SIGLEC1: variants seen among roughly 807,000 people sequenced by gnomAD.
SIGLEC1 encodes the protein sialic acid binding Ig like lectin 1, also known as sialoadhesin.
SIGLEC1 carries 132 observed loss-of-function variants against 148.0 expected under a neutral mutation model. That is an observed-to-expected ratio of 0.89 (90% CI 0.77 to 1.03). The LOEUF (loss-of-function observed/expected upper bound fraction) is 1.03. Ranked by LOEUF, SIGLEC1 falls within the 50% of genes least tolerant of loss-of-function variation. SIGLEC1 has a pLI of 0.00. For synonymous variants in SIGLEC1, 945 were observed against 969.0 expected (o/e 0.98, Z 0.46); for missense variants, 2,253 against 2,271.4 (o/e 0.99, Z 0.16).
chr20:3,694,749 G>T lies in SIGLEC1; in HGVS notation c.2858C>A (p.Thr953Lys). The T allele has an allele frequency of 1.9e-6, 3 of 1,613,874 alleles. No individual in the cohort carries two copies. The highest frequency in any genetic ancestry group is 2.5e-6 in the Non-Finnish European group (3 of 1,180,024). The part of the protein sequence containing the change: ...ATLRFAAITL[T>K]QAGAYHCQAQ... ...TTGGCAATGATAGGCCCCAGCTTGT[G>T]TCAAAGTTATGGCTGCAAAGCGGAG... is the stretch of plus-strand genomic sequence containing the variant. Residue 953 changes from threonine (T) to lysine (K), a missense_variant, in exon 12 of 22, where the codon ACA becomes AAA. Physicochemically the swap from Thr to Lys is moderately conservative, Grantham distance 78. Coordinates refer to ENST00000344754, the MANE Select transcript of SIGLEC1 (RefSeq NM_023068.4).
At position 3,694,351 on chromosome 20, in the gene SIGLEC1, A is replaced by T; in HGVS notation, c.3126T>A (p.His1042Gln). The T allele has an allele frequency of 6.2e-7, 1 of 1,613,280 alleles. No homozygotes were observed. Among genetic ancestry groups the T allele is most frequent in the Non-Finnish European group, 8.5e-7 (1 of 1,179,988 alleles). ...GGPEGSSPRL[H>Q]VAVAPNTLRL... The stretch of plus-strand genomic sequence containing the variant: ...GCAGTGTGTTGGGGGCCACAGCCAC[A>T]TGCAGCCTGGGAGAGCTGCCTTCGG... The change falls in exon 13 of 22, where the codon CAT becomes CAA. Residue 1042 changes from histidine to glutamine, a missense_variant. Transcript: ENST00000344754.
rs759568023 is a variant in SIGLEC1 at position 3,703,197 on chromosome 20, G to A, written c.1228C>T (p.His410Tyr). The A allele has an allele frequency of 2.0e-5, 32 of 1,613,810 alleles. No homozygotes were observed. Among genetic ancestry groups the A allele is most frequent in the Non-Finnish European group, 1.8e-5 (21 of 1,179,994 alleles). Residue 410 changes from histidine to tyrosine, a missense_variant and splice_region_variant, in exon 6 of 22, where the codon CAC becomes TAC. Physicochemically the swap from His to Tyr is moderately conservative, Grantham distance 83. Coordinates refer to ENST00000344754, the MANE Select transcript of SIGLEC1 (RefSeq NM_023068.4). ...RSGPVSVVVN[H>Y]PPLTPVLTAF... ...GTGCCACCCCACCCTGGCCTCTTACGGTTGACTACCACGCTGACAGGGCCC... is the reference window on the plus strand; with the variant it reads ...GTGCCACCCCACCCTGGCCTCTTACAGTTGACTACCACGCTGACAGGGCCC...
At chr20:3,701,194 G>T in intron 7 of SIGLEC1, 148 bp downstream of exon 7, 1 of 689,102 alleles carries the variant, frequency 1.5e-6, no homozygotes, top group Non-Finnish European at 2.4e-6. Context: ...TCTGCCGTTG[G>T]GTCACTGCAC....
Position 3,697,882 on chromosome 20 carries a change from A to G in SIGLEC1, c.2038T>C (p.Leu680=). 1 of 1,613,116 alleles carries G rather than the reference A, an allele frequency of 6.2e-7. No individual in the cohort carries two copies. The highest frequency in any genetic ancestry group is 8.5e-7 in the Non-Finnish European group (1 of 1,179,982). Residue 680 remains leucine (L), a synonymous_variant, in exon 9 of 22, where the codon TTG becomes CTG. Transcript: ENST00000344754. ...AGGTACAAGCCCTCCTCTTCCAGCA[A>G]AGGGTTGTGAATCTCCACACGCAGC... The part of the protein sequence containing the change: ...NLLRVEIHNP[L]LEEEGLYLCE...
chr20:3,701,195 G>A (rs2087848150), intron 7 of SIGLEC1, 147 bp downstream of exon 7: 1 of 704,890 alleles, frequency 1.4e-6, no homozygotes, highest in African/African-American at 1.8e-5. Flanking sequence ...CTGCCGTTGG[G>A]TCACTGCACA....
Position 3,705,813 on chromosome 20 carries a change from G to A in SIGLEC1, c.637C>T (p.Arg213Trp), listed in dbSNP as rs770430242. Reference sequence around the variant, plus strand: ...ACGGAGAGCTGGCAGCGCAGGATCCGGCCGTGGTCCTGCCAGGACATGGCC... The same window carrying A: ...ACGGAGAGCTGGCAGCGCAGGATCCAGCCGTGGTCCTGCCAGGACATGGCC... ...HMAMSWQDHG[R>W]ILRCQLSVAN... Residue 213 changes from arginine (R) to tryptophan (W), a missense_variant, in exon 4 of 22, where the codon CGG becomes TGG. Physicochemically the swap from Arg to Trp is moderately radical, Grantham distance 101 (BLOSUM62 -3). Transcript: ENST00000344754. 2.1e-5 allele frequency: 34 copies of A among 1,613,888 alleles called. No homozygotes were observed. Among genetic ancestry groups the A allele is most frequent in the Non-Finnish European group, 2.7e-5 (32 of 1,180,028 alleles).
intron 11 of SIGLEC1, among the ~76,000 whole-genome samples, chr20:3,696,129 T>TATATATATATATACACACACAC (rs11087599): frequency 1.4e-5 from 2 of 142,426 alleles, no homozygotes; most frequent in African/African-American, 5.5e-5. Context: ...ACTATATATA[T>TATATATATATATACACACACAC]ACACACACAC....
chr20:3,697,622 G>A (rs1182501350), intron 9 of SIGLEC1, among the ~76,000 whole-genome samples, 176 bp downstream of exon 9: 3 of 152,078 alleles, frequency 2.0e-5, no homozygotes, highest in African/African-American at 7.2e-5. Context: ...GCCTATCCCC[G>A]GCCTGAACAG....
At chr20:3,704,232 G>A in intron 4 of SIGLEC1, 141 bp from the exon 5 acceptor site, 1 of 790,658 alleles carries the variant, frequency 1.3e-6, no homozygotes, top group South Asian at 1.7e-5. Flanking sequence ...TCCTCACCCA[G>A]GGCATGCTCT....
chr20:3,694,822 G>A lies in SIGLEC1; in HGVS notation c.2785C>T (p.Arg929Cys), dbSNP rs138170063. Residue 929 changes from arginine to cysteine, a missense_variant, in exon 12 of 22, where the codon CGT becomes TGT. By Grantham distance (180) the Arg-to-Cys change is radical. Transcript: ENST00000344754. ...HTGVPEGTSY[R>C]WYRDGQPLQE... is the part of the protein sequence containing the mutation. ...AGGGGCTGGCCATCCCGATACCAAC[G>A]ATATGAGGTCCCCTCTGGGACTCCT... 7.4e-6 allele frequency: 12 copies of A among 1,613,540 alleles called. No individual in the cohort carries two copies. The highest frequency in any genetic ancestry group is 2.2e-5 in the East Asian group (1 of 44,888).
chr20:3,703,221 C>G lies in SIGLEC1; in HGVS notation c.1204G>C (p.Gly402Arg). The change falls in exon 6 of 22, where the codon GGC becomes CGC. Residue 402 changes from glycine to arginine, a missense_variant. By Grantham distance (125) the Gly-to-Arg change is moderately radical. Coordinates refer to ENST00000344754, the MANE Select transcript of SIGLEC1 (RefSeq NM_023068.4). ...VQNVHGSERS[G>R]PVSVVVNHPP... ...CGGTTGACTACCACGCTGACAGGGC[C>G]CGAGCGCTCGCTGCCATGGACGTTC... 3.7e-6 allele frequency: 6 copies of G among 1,614,142 alleles called. No individual in the cohort carries two copies. The highest frequency in any genetic ancestry group is 5.1e-6 in the Non-Finnish European group (6 of 1,180,020).
Position 3,691,418 on chromosome 20 carries a change from G to T in SIGLEC1, c.4513C>A (p.Gln1505Lys). ...TLAFTHVARA[Q>K]AGMYHCLAEL... ...GCCAGGCAGTGGTACATCCCAGCTT[G>T]AGCACGAGCCACGTGGGTGAAGGCG... Residue 1505 changes from glutamine (Q) to lysine (K), a missense_variant, in exon 18 of 22, where the codon CAA (glutamine) becomes AAA (lysine). By Grantham distance (53) the Gln-to-Lys change is moderately conservative (BLOSUM62 1). Transcript: ENST00000344754. The T allele has an allele frequency of 6.2e-7, 1 of 1,613,336 alleles. No individual in the cohort carries two copies. The highest frequency in any genetic ancestry group is 8.5e-7 in the Non-Finnish European group (1 of 1,180,032).
chr20:3,704,111 G>A lies in SIGLEC1; in HGVS notation c.707-20C>T. ...GGGCATCTGCAAGTCACAGTAGGGG[G>A]TATTGGGTAAGGTGCTTGGGGAGGG... On this transcript the variant is annotated intron_variant, in intron 4 of 21. Coordinates refer to ENST00000344754, the MANE Select transcript of SIGLEC1 (RefSeq NM_023068.4). The A allele has an allele frequency of 6.2e-7, 1 of 1,604,740 alleles. No individual in the cohort carries two copies. Among genetic ancestry groups the A allele is most frequent in the Admixed American group, 1.7e-5 (1 of 59,542 alleles).
intron 16 of SIGLEC1, 87 bp from the exon 17 acceptor site, chr20:3,692,289 G>A: frequency 7.3e-7 from 1 of 1,374,374 alleles, no homozygotes. Context: ...GTCAGGCTGA[G>A]GCCTCTGGAC....
Position 3,692,693 on chromosome 20 carries a change from G to A in SIGLEC1, c.3858C>T (p.Ala1286=). Reference sequence around the variant, plus strand: ...ACCAAGTATAGAGTGTGGGTGCGTGGGCAGCAGGGTCCGCACAGGTCACTG... The same window carrying A: ...ACCAAGTATAGAGTGTGGGTGCGTGAGCAGCAGGGTCCGCACAGGTCACTG... The part of the protein sequence containing the change: ...PITVTCADPA[A]HAPTLYTWYH... Residue 1286 remains alanine, a synonymous_variant, in exon 16 of 22, where the codon GCC becomes GCT. Coordinates refer to ENST00000344754, the MANE Select transcript of SIGLEC1 (RefSeq NM_023068.4). The A allele has an allele frequency of 3.1e-6, 5 of 1,613,036 alleles. No individual in the cohort carries two copies. The highest frequency in any genetic ancestry group is 4.2e-6 in the Non-Finnish European group (5 of 1,180,024).
Position 3,699,411 on chromosome 20 carries a change from G to C in SIGLEC1, c.1577C>G (p.Ala526Gly), listed in dbSNP as rs375398004. ...GCCGCTTCTGCAGCTCAGTGTCACT[G>C]CCTGTCCTTCCACCACCTCGGCTGC... ...SPAAEVVEGQ[A>G]VTLSCRSGLS... is the part of the protein sequence containing the mutation. The change falls in exon 8 of 22, where the codon GCA (alanine) becomes GGA (glycine). Residue 526 changes from alanine (A) to glycine (G), a missense_variant. Physicochemically the swap from Ala to Gly is moderately conservative, Grantham distance 60. Transcript: ENST00000344754. 23 of 1,609,922 alleles carry C rather than the reference G, an allele frequency of 1.4e-5. No individual in the cohort carries two copies. The African/African-American group carries it at 2.8e-4, about 20-fold the overall frequency.
chr20:3,701,832 C>T (rs2087854944), intron 6 of SIGLEC1, among the ~76,000 whole-genome samples, 191 bp from the exon 7 acceptor site: 1 of 152,150 alleles, frequency 6.6e-6, no homozygotes, highest in African/African-American at 2.4e-5. Flanking sequence ...CTCTGTTGTC[C>T]CAGTCAGTGT....
chr20:3,702,067 G>T (rs2087856483), intron 6 of SIGLEC1, among the ~76,000 whole-genome samples: 1 of 152,128 alleles, frequency 6.6e-6, no homozygotes, highest in Non-Finnish European at 1.5e-5. Flanking sequence ...CAAATGTGGA[G>T]TGAGGGACCT....
intron 5 of SIGLEC1, among the ~76,000 whole-genome samples, 155 bp from the exon 6 acceptor site, chr20:3,703,606 CT>C (rs2087869773): frequency 6.6e-6 from 1 of 152,212 alleles, no homozygotes; most frequent in South Asian, 2.1e-4. Context: ...TGCTCTGCAT[CT>C]CTTTGTCCTG....
Sources: gnomAD v4.1 joint callset for allele counts (sites outside exome capture counted in the v4.1 genomes callset) on GRCh38, gnomAD v4.1.1 for gene constraint, MANE v1.5 for transcripts, NCBI Gene and HGNC (gene_info 2026-07-23, HGNC 2026-07-21) for gene names.